DPP6: variants seen among roughly 807,000 people sequenced by gnomAD.
DPP6 encodes A-type potassium channel modulatory protein DPP6.
Under a neutral mutation model 122.6 loss-of-function variants are expected in DPP6, and 69 were observed. The observed-to-expected ratio is 0.56, with a 90% CI of 0.46 to 0.69. The LOEUF is 0.69. DPP6 is among the 30% of genes least tolerant of loss of function. The pLI, the probability that DPP6 is intolerant of heterozygous loss-of-function variation, is 0.00. For missense variants in DPP6, 928 were observed against 1,116.9 expected, an observed-to-expected ratio of 0.83 and a Z score of 2.41; for synonymous variants, 418 against 433.1, an observed-to-expected ratio of 0.97 and a Z score of 0.43.
chr7:153,815,320 C>T, the DPP6 span, among the ~76,000 whole-genome samples: 1 of 152,042 alleles, frequency 6.6e-6, no homozygotes, highest in Non-Finnish European at 1.5e-5. Flanking sequence ...CAGTAACAGA[C>T]AAACATATAA....
At chr7:154,235,116 A>G (rs1477765128) in intron 1 of DPP6, among the ~76,000 whole-genome samples, 1 of 152,202 alleles carries the variant, frequency 6.6e-6, no homozygotes, top group African/African-American at 2.4e-5. Context: ...AATCATCACC[A>G]CAATCGATTT....
At chr7:153,811,838 T>G in the DPP6 span, among the ~76,000 whole-genome samples, 3 of 152,194 alleles carry the variant, frequency 2.0e-5, no homozygotes, top group East Asian at 3.8e-4. Flanking sequence ...TTTACATGAA[T>G]TCTCAAATTC....
chr7:153,771,634 C>T, the DPP6 span, among the ~76,000 whole-genome samples: 26 of 152,176 alleles, frequency 1.7e-4, no homozygotes, highest in African/African-American at 6.3e-4. Flanking sequence ...GCTACCACAC[C>T]TGGCCCCCCT....
intron 5 of DPP6, among the ~76,000 whole-genome samples, chr7:154,616,591 C>T (rs780804931): frequency 1.8e-4 from 28 of 152,012 alleles, no homozygotes; most frequent in Middle Eastern, 3.4e-3. Context: ...CTCTCGGGCG[C>T]GAGCGAATCC....
Position 154,873,954 on chromosome 7 carries a change from A to G in DPP6, c.1883+1261A>G, listed in dbSNP as rs571018570. 3.3e-3 allele frequency among the ~76,000 whole-genome samples: 483 copies of G among 145,718 alleles called. 2 individuals carry two copies. Among genetic ancestry groups the G allele is most frequent in the Non-Finnish European group, 4.2e-3 (279 of 66,528 alleles). On this transcript the variant is annotated intron_variant, in intron 19 of 25. Transcript: ENST00000377770. ...CCCACATGTGCACACATGCACACAC[A>G]CACGCACCTGCATACATAAGCACAC...
chr7:153,799,768 C>G, the DPP6 span, among the ~76,000 whole-genome samples: 1 of 152,144 alleles, frequency 6.6e-6, no homozygotes, highest in African/African-American at 2.4e-5. Flanking sequence ...AATTAACTGT[C>G]TCATTCTATT....
rs961646303 is a variant in DPP6, at chr7:154,545,259, C to A, written c.552+4633C>A. ...CAAGATAGCACATCTTATCAAATGG[C>A]CTTTGTTCTATTATGTATCTTGTTT... On this transcript the variant is annotated intron_variant, in intron 4 of 25. Coordinates refer to ENST00000377770, the MANE Select transcript of DPP6 (RefSeq NM_130797.4). Among the ~76,000 whole-genome samples, 7 of 152,104 alleles carry A rather than the reference C, an allele frequency of 4.6e-5. No homozygotes were observed. In the East Asian group the frequency reaches 1.3e-3, roughly 29 times the overall value.
intron 1 of DPP6, among the ~76,000 whole-genome samples, chr7:154,298,251 A>AT (rs1805668516): frequency 9.3e-6 from 1 of 107,042 alleles, no homozygotes; most frequent in African/African-American, 3.4e-5. Flanking sequence ...CATCCTTAAA[A>AT]ATCTGTCTCT....
At chr7:154,476,795 T>C (rs1822779777) in intron 3 of DPP6, among the ~76,000 whole-genome samples, 1 of 152,106 alleles carries the variant, frequency 6.6e-6, no homozygotes. Context: ...CTTAGACTTG[T>C]GGTATTTAAG....
intron 1 of DPP6, among the ~76,000 whole-genome samples, chr7:154,433,491 G>A (rs574025356): frequency 4.1e-4 from 62 of 151,866 alleles, no homozygotes; most frequent in Non-Finnish European, 6.6e-4. Flanking sequence ...GTTTATAAGC[G>A]TGTACTGGGC....
chr7:154,327,489 C>T (rs1808547205), intron 1 of DPP6, among the ~76,000 whole-genome samples: 1 of 151,908 alleles, frequency 6.6e-6, no homozygotes, highest in South Asian at 2.1e-4. Context: ...TTTTGAAGTC[C>T]CCTTATACTA....
intron 5 of DPP6, among the ~76,000 whole-genome samples, chr7:154,579,937 T>C (rs1831937490): frequency 6.6e-6 from 1 of 151,942 alleles, no homozygotes; most frequent in African/African-American, 2.4e-5. Flanking sequence ...TGGAACAAAA[T>C]CTTTAAAAGA....
intron 8 of DPP6, among the ~76,000 whole-genome samples, chr7:154,751,836 C>T (rs575265690): frequency 3.5e-4 from 53 of 151,966 alleles, no homozygotes; most frequent in African/African-American, 1.2e-3. Context: ...GCTGCATGGC[C>T]GGTGGGGGGT....
chr7:153,856,680 C>G, the DPP6 span, among the ~76,000 whole-genome samples: 37 of 152,246 alleles, frequency 2.4e-4, no homozygotes, highest in African/African-American at 8.7e-4. Context: ...CACACCTGCC[C>G]CATATCCCAT....
At chr7:153,868,599 C>G in the DPP6 span, among the ~76,000 whole-genome samples, 2 of 152,062 alleles carry the variant, frequency 1.3e-5, no homozygotes, top group Non-Finnish European at 2.9e-5. Context: ...TTTAAAAAAA[C>G]CAGCTCCTGG....
At chr7:154,885,818 A>T (rs1806106435) in intron 22 of DPP6, 74 bp downstream of exon 22, 1 of 1,513,088 alleles carries the variant, frequency 6.6e-7, no homozygotes, top group Non-Finnish European at 8.9e-7. Flanking sequence ...GTGGCCCCAC[A>T]GCCCTCCCTT....
intron 1 of DPP6, among the ~76,000 whole-genome samples, chr7:154,425,939 A>G (rs1024401966): frequency 1.3e-5 from 2 of 152,168 alleles, no homozygotes; most frequent in African/African-American, 2.4e-5. Flanking sequence ...CACTGTGCCT[A>G]GCCAAAAATA....
In DPP6 at chr7:154,251,847, T is replaced by C. The variant is rs530075415; in HGVS notation, c.244-194367T>C. 9.2e-5 allele frequency among the ~76,000 whole-genome samples: 14 copies of C among 152,286 alleles called. No homozygotes were observed. In the East Asian group the frequency reaches 2.7e-3, roughly 30 times the overall value. ...TTACATCCAATGGTGCCCACCCACA[T>C]TGAGGGTGGGTCTACCTCTCCCAGT... On this transcript the variant is annotated intron_variant, in intron 1 of 25. Transcript: ENST00000377770.
intron 1 of DPP6, among the ~76,000 whole-genome samples, chr7:154,347,427 G>A (rs1810491731): frequency 6.6e-6 from 1 of 152,134 alleles, no homozygotes; most frequent in African/African-American, 2.4e-5. Context: ...TGAAAATTTA[G>A]CAACTAAATC....
Sources: allele counts gnomAD v4.1 joint callset (sites outside exome capture counted in the v4.1 genomes callset), GRCh38; gene constraint gnomAD v4.1.1; transcripts MANE v1.5; gene names NCBI Gene and HGNC (gene_info 2026-07-23, HGNC 2026-07-21).